Variants in ERC1 observed in about 807,000 individuals in gnomAD.
The protein encoded by ERC1 is ELKS/RAB6-interacting/CAST family member 1, also known as RAB6 interacting protein 2.
Under a neutral mutation model 132.0 loss-of-function variants are expected in ERC1, and 56 were observed. That is an observed-to-expected ratio of 0.42 (90% confidence interval 0.34 to 0.53). ERC1 has a LOEUF of 0.53. ERC1 is among the 20% of genes least tolerant of loss of function. The pLI, the probability that ERC1 is intolerant of heterozygous loss-of-function variation, is 0.03. For missense variants in ERC1, 1,202 were observed against 1,349.9 expected (o/e 0.89, Z 1.72); for synonymous variants, 478 against 476.1 (o/e 1.00, Z -0.05).
At chr12:1,029,351 G>GA (rs1251538511) in intron 2 of ERC1, among the ~76,000 whole-genome samples, 1 of 151,264 alleles carries the variant, frequency 6.6e-6, no homozygotes, top group Admixed American at 6.6e-5. Context: ...TCTCAAAAAA[G>GA]AAAAAAAAGT....
chr12:1,345,649 C>T (rs1344261216), intron 15 of ERC1, among the ~76,000 whole-genome samples: 1 of 152,096 alleles, frequency 6.6e-6, no homozygotes, highest in Non-Finnish European at 1.5e-5. Flanking sequence ...CTTCTTCTCA[C>T]CAGTTTTTAA....
chr12:1,413,221 A>T (rs1328566155), intron 17 of ERC1, among the ~76,000 whole-genome samples: 2 of 152,138 alleles, frequency 1.3e-5, no homozygotes, highest in Admixed American at 6.5e-5. Flanking sequence ...CCCTCCTAAG[A>T]CACACGGACT....
At chr12:1,154,330 T>TAC (rs1555273395) in intron 8 of ERC1, among the ~76,000 whole-genome samples, 8 of 137,474 alleles carry the variant, frequency 5.8e-5, no homozygotes, top group African/African-American at 2.1e-4. Flanking sequence ...TATATATATA[T>TAC]ACACACATAC....
At chr12:1,084,868 T>TA (rs149894017) in intron 3 of ERC1, among the ~76,000 whole-genome samples, 8 of 150,408 alleles carry the variant, frequency 5.3e-5, no homozygotes, top group Admixed American at 2.7e-4. Context: ...ATTTTTAAAT[T>TA]AAAAAAAAAA....
At chr12:1,372,087 T>A in intron 16 of ERC1, 110 bp downstream of exon 16, 1 of 1,271,538 alleles carries the variant, frequency 7.9e-7, no homozygotes, top group African/African-American at 1.5e-5. Context: ...ATTAGACATC[T>A]GATCATTGGA....
At chr12:1,487,080 G>A (rs1157279959) in intron 18 of ERC1, among the ~76,000 whole-genome samples, 1 of 152,142 alleles carries the variant, frequency 6.6e-6, no homozygotes, top group Non-Finnish European at 1.5e-5. Flanking sequence ...GCATTCCTGG[G>A]TTGTTTTCTC....
chr12:1,315,540 G>A (rs1388254326), intron 15 of ERC1, among the ~76,000 whole-genome samples: 1 of 151,960 alleles, frequency 6.6e-6, no homozygotes, highest in Admixed American at 6.6e-5. Flanking sequence ...TAGTAGAGAC[G>A]GGGTTTCACC....
intron 2 of ERC1, among the ~76,000 whole-genome samples, chr12:1,037,658 G>C (rs766653224): frequency 1.1e-4 from 17 of 152,006 alleles, no homozygotes; most frequent in Admixed American, 7.9e-4. Flanking sequence ...TTCTTTCTTT[G>C]TTAGTATTGT....
intron 15 of ERC1, among the ~76,000 whole-genome samples, chr12:1,328,859 G>A (rs552582977): frequency 4.2e-5 from 5 of 119,812 alleles, no homozygotes; most frequent in East Asian, 3.0e-4. Flanking sequence ...ACGGTTCTAC[G>A]TGTTAGCAGT....
rs118024632 is a variant in ERC1 at position 1,232,274 on chromosome 12, T to G, written c.2352-4495T>G. ...TGCCTTTGATTTTTCAGAATTCAAT[T>G]ATAATGTGTTTCAGTGTAATTTTCT... is the stretch of plus-strand genomic sequence containing the variant. On this transcript the variant is annotated intron_variant, in intron 12 of 18. Coordinates refer to ENST00000360905, the MANE Select transcript of ERC1 (RefSeq NM_178040.4). Among the ~76,000 whole-genome samples the G allele has an allele frequency of 1.5e-3, 230 of 152,328 alleles. 4 individuals carry two copies. In the East Asian group the frequency reaches 0.039, roughly 26 times the overall value.
chr12:1,261,606 T>A (rs1448812920), intron 13 of ERC1, among the ~76,000 whole-genome samples: 1 of 152,210 alleles, frequency 6.6e-6, no homozygotes, highest in Non-Finnish European at 1.5e-5. Flanking sequence ...TCCACTGTAC[T>A]GTGCTGCTCA....
chr12:1,222,224 C>CTTTTTTTTTTTTTTTT (rs398116013), intron 12 of ERC1, among the ~76,000 whole-genome samples: 1 of 145,958 alleles, frequency 6.9e-6, no homozygotes, highest in Non-Finnish European at 1.5e-5. Context: ...TACATATTCT[C>CTTTTTTTTTTTTTTTT]TTTTTTTTTT....
At chr12:1,101,483 G>A (rs532169235) in intron 3 of ERC1, among the ~76,000 whole-genome samples, 3 of 152,268 alleles carry the variant, frequency 2.0e-5, no homozygotes, top group African/African-American at 7.2e-5. Context: ...ACCCACTGCT[G>A]GAATTGTCTG....
chr12:1,485,312 C>T (rs560612182), intron 18 of ERC1, among the ~76,000 whole-genome samples: 23 of 143,056 alleles, frequency 1.6e-4, no homozygotes, highest in Admixed American at 3.0e-4. Context: ...TCAAGCAATT[C>T]TTCTGCCTCA....
Position 1,028,361 on chromosome 12 carries a change from A to C in ERC1, c.458A>C (p.Asp153Ala). The part of the protein sequence containing the change: ...LRQARDNTIM[D>A]LQTQLKEVLR... ...CAGGCGAGAGATAACACAATCATGGATCTGCAGACACAGCTGAAGGAAGTA... is the reference window on the plus strand; with the variant it reads ...CAGGCGAGAGATAACACAATCATGGCTCTGCAGACACAGCTGAAGGAAGTA... Residue 153 changes from aspartate to alanine, a missense_variant, in exon 2 of 19, where the codon GAT (aspartate) becomes GCT (alanine). Asp to Ala is a moderately radical substitution (Grantham distance 126). Transcript: ENST00000360905. The C allele has an allele frequency of 1.9e-6, 3 of 1,614,208 alleles. No individual in the cohort carries two copies. The highest frequency in any genetic ancestry group is 2.5e-6 in the Non-Finnish European group (3 of 1,180,042).
chr12:1,356,213 AGTGTGTG>A (rs1224194505), intron 15 of ERC1, among the ~76,000 whole-genome samples: 203 of 130,010 alleles, frequency 1.6e-3, no homozygotes, highest in Middle Eastern at 4.1e-3. Context: ...AAAAAAAAAA[AGTGTGTG>A]TGTGTGTGTG....
chr12:1,197,971 G>A (rs914354763), intron 12 of ERC1, among the ~76,000 whole-genome samples: 1 of 151,802 alleles, frequency 6.6e-6, no homozygotes, highest in Non-Finnish European at 1.5e-5. Context: ...TCTCATCCAG[G>A]GTGGAGTGCA....
chr12:1,083,729 T>C, intron 3 of ERC1, 149 bp downstream of exon 3: 1 of 651,242 alleles, frequency 1.5e-6, no homozygotes, highest in Admixed American at 3.0e-5. Flanking sequence ...CACTGATTTC[T>C]GTTCTGATTT....
At position 1,109,249 on chromosome 12, in the gene ERC1, G is replaced by A. The variant is rs951346960; in HGVS notation, c.1162-943G>A. ...TGTTCTGTTGGAAGGTGATATTTGT[G>A]GTAGAGATGATGGTTTATAAGGACA... On this transcript the variant is annotated intron_variant, in intron 4 of 18. Transcript: ENST00000360905. Among the ~76,000 whole-genome samples the A allele has an allele frequency of 4.6e-5, 7 of 152,228 alleles. No homozygotes were observed. In the East Asian group the frequency reaches 1.2e-3, roughly 25 times the overall value.
Sources: allele counts gnomAD v4.1 joint callset (sites outside exome capture counted in the v4.1 genomes callset), GRCh38; gene constraint gnomAD v4.1.1; transcripts MANE v1.5; gene names NCBI Gene and HGNC (gene_info 2026-07-23, HGNC 2026-07-21).